Variants in ITGA11 observed in about 807,000 individuals in gnomAD.
The protein encoded by ITGA11 is integrin subunit alpha 11.
Under a neutral mutation model 141.9 loss-of-function variants are expected in ITGA11, and 97 were observed. That is an observed-to-expected ratio of 0.68 (90% confidence interval 0.58 to 0.81). The LOEUF (loss-of-function observed/expected upper bound fraction) is 0.81. Among genes scored for constraint, ITGA11 ranks in the 30% least tolerant of loss-of-function variants. ITGA11 has a pLI of 0.00. For synonymous variants in ITGA11, 658 were observed against 624.6 expected, an observed-to-expected ratio of 1.05 and a Z score of -0.80; for missense variants, 1,387 against 1,559.2, an observed-to-expected ratio of 0.89 and a Z score of 1.86.
At chr15:68,421,875 G>T (rs1436601552) in intron 1 of ITGA11, among the ~76,000 whole-genome samples, 1 of 151,796 alleles carries the variant, frequency 6.6e-6, no homozygotes, top group African/African-American at 2.4e-5. Context: ...TGGCAACCGG[G>T]ACATGTTCAG....
intron 1 of ITGA11, among the ~76,000 whole-genome samples, chr15:68,409,686 G>A (rs987023172): frequency 2.6e-5 from 4 of 151,980 alleles, no homozygotes; most frequent in African/African-American, 7.3e-5. Flanking sequence ...AAAAATAATT[G>A]TGTACATGAA....
At chr15:68,343,871 G>A (rs1894650112) in intron 10 of ITGA11, among the ~76,000 whole-genome samples, 1 of 152,200 alleles carries the variant, frequency 6.6e-6, no homozygotes, top group South Asian at 2.1e-4. Flanking sequence ...GCTTAAATGG[G>A]GTGTGGGCAG....
intron 1 of ITGA11, among the ~76,000 whole-genome samples, chr15:68,431,356 C>G (rs780555055): frequency 6.6e-6 from 1 of 152,218 alleles, no homozygotes; most frequent in Non-Finnish European, 1.5e-5. Context: ...AATGCCGGGT[C>G]CCTACCCCGG....
chr15:68,326,737 C>T lies in ITGA11; in HGVS notation c.2128G>A (p.Glu710Lys), dbSNP rs768849426. 22 of 1,582,686 alleles carry T rather than the reference C, an allele frequency of 1.4e-5. No homozygotes were observed. The highest frequency in any genetic ancestry group is 1.7e-4 in the Middle Eastern group (1 of 6,032). ...CTGTTGGTGAATCGGTCCCCGCCCT[C>T]GTCCAGGTGGGCCCTCGGTGTATAC... ...RRYTPRAHLD[E>K]GGDRFTNRAV... Residue 710 changes from glutamate (E) to lysine (K), a missense_variant, in exon 17 of 30, where the codon GAG becomes AAG. By Grantham distance (56) the Glu-to-Lys change is moderately conservative (BLOSUM62 1). Transcript: ENST00000315757. The surrounding 1 kb of genome is among the most constrained non-coding windows in gnomAD (Gnocchi z 6.8).
intron 18 of ITGA11, among the ~76,000 whole-genome samples, chr15:68,323,172 C>T (rs1893864699): frequency 6.6e-6 from 1 of 152,190 alleles, no homozygotes; most frequent in South Asian, 2.1e-4. Context: ...CTCCCCACCG[C>T]AAGGTGGACC....
chr15:68,405,921 CACAG>C (rs1223740200), intron 1 of ITGA11, among the ~76,000 whole-genome samples: 3 of 152,188 alleles, frequency 2.0e-5, no homozygotes, highest in Non-Finnish European at 4.4e-5. Flanking sequence ...TGCACACACA[CACAG>C]ACACACACAT....
intron 11 of ITGA11, among the ~76,000 whole-genome samples, chr15:68,338,050 GC>G (rs1482511881): frequency 1.3e-5 from 2 of 152,194 alleles, no homozygotes; most frequent in African/African-American, 2.4e-5. Context: ...AACCTCATGG[GC>G]CCTGGGACAC....
At position 68,344,538 on chromosome 15, in the gene ITGA11, TG is replaced by T. The variant is rs1299563503; in HGVS notation, c.1131+4291del. ...CAGGCTGAAGAGGCAGGAGGGTGGC[TG>T]GGGTAGCTCATCTGGGATGTTTATA... On this transcript the variant is annotated intron_variant, in intron 10 of 29. Coordinates refer to ENST00000315757, the MANE Select transcript of ITGA11 (RefSeq NM_001004439.2). Among the ~76,000 whole-genome samples, 4 of 152,088 alleles carry T rather than the reference TG, an allele frequency of 2.6e-5. No homozygotes were observed. The East Asian group carries it at 7.7e-4, about 29-fold the overall frequency.
intron 2 of ITGA11, among the ~76,000 whole-genome samples, chr15:68,372,807 C>T (rs147824362): frequency 5.3e-5 from 8 of 152,302 alleles, no homozygotes; most frequent in Admixed American, 3.9e-4. Context: ...CAACAAGGCT[C>T]TTTGGGGACT....
intron 2 of ITGA11, among the ~76,000 whole-genome samples, chr15:68,390,895 T>C (rs1344517376): frequency 6.6e-6 from 1 of 152,214 alleles, no homozygotes; most frequent in African/African-American, 2.4e-5. Flanking sequence ...TTTGCTCCTG[T>C]CCTTCCTTTG....
intron 22 of ITGA11, among the ~76,000 whole-genome samples, chr15:68,314,498 A>T (rs1413301196): frequency 6.6e-6 from 1 of 152,182 alleles, no homozygotes; most frequent in Non-Finnish European, 1.5e-5. Context: ...CTTGTTATAT[A>T]GACTGAGTTT....
chr15:68,306,325 CTG>C (rs140803928), intron 28 of ITGA11, among the ~76,000 whole-genome samples: 50,053 of 151,344 alleles, frequency 0.33, 8,764 homozygotes, highest in African/African-American at 0.4. Flanking sequence ...CTCTCTCTCT[CTG>C]TGTGTGTGAG....
rs1175489216 is a variant in ITGA11, at chr15:68,304,190, C to T, written c.3382-305G>A. On this transcript the variant is annotated intron_variant, in intron 28 of 29. Transcript: ENST00000315757. This position sits in a 1 kb window ranked among gnomAD's most constrained non-coding sequence, Gnocchi z 6.1. ...CCACCACATGGGCTACTCCTTCTCC[C>T]TTTGCTGCCTCCGCATCGCCTCCCG... is the stretch of plus-strand genomic sequence containing the variant. Among the ~76,000 whole-genome samples the T allele has an allele frequency of 6.6e-6, 1 of 152,218 alleles. No homozygotes were observed. Among genetic ancestry groups the T allele is most frequent in the Non-Finnish European group, 1.5e-5 (1 of 68,034 alleles).
chr15:68,347,636 G>A (rs562639408), intron 10 of ITGA11, among the ~76,000 whole-genome samples: 131 of 152,236 alleles, frequency 8.6e-4, no homozygotes, highest in Non-Finnish European at 1.6e-3. Context: ...TCAGACCCCC[G>A]GAGATTCCCT....
At chr15:68,430,712 C>T (rs1385377402) in intron 1 of ITGA11, among the ~76,000 whole-genome samples, 1 of 152,234 alleles carries the variant, frequency 6.6e-6, no homozygotes, top group Admixed American at 6.5e-5. Flanking sequence ...GCATATTGGC[C>T]TGGTGGCAGT....
intron 2 of ITGA11, among the ~76,000 whole-genome samples, chr15:68,402,366 T>C (rs1178360022): frequency 1.3e-5 from 2 of 152,166 alleles, no homozygotes; most frequent in Non-Finnish European, 2.9e-5. Flanking sequence ...ACTTGGATAC[T>C]TGAAATGAGT....
In ITGA11 at chr15:68,325,281, A is replaced by G. The variant is rs948508014; in HGVS notation, c.2212-40T>C. On this transcript the variant is annotated intron_variant, in intron 17 of 29. Transcript: ENST00000315757. The surrounding 1 kb of genome is among the most constrained non-coding windows in gnomAD (Gnocchi z 5.5). Reference sequence around the variant, plus strand: ...TGAGGGCAGCGGTGAGGGAGGAGAGAACGTCATTTTATGAGCCAGGACCGT... The same window carrying G: ...TGAGGGCAGCGGTGAGGGAGGAGAGGACGTCATTTTATGAGCCAGGACCGT... 16 of 1,376,874 alleles carry G rather than the reference A, an allele frequency of 1.2e-5. 1 individual carries two copies. Among genetic ancestry groups the G allele is most frequent in the Admixed American group, 5.0e-5 (3 of 59,514 alleles). The allele number at this position is 1,376,874 out of a possible 1,614,324, so 85.3% of individuals were successfully genotyped here. A position where few individuals can be genotyped will look rare whatever the true frequency, so the allele number is the denominator to read the frequency against.
intron 2 of ITGA11, among the ~76,000 whole-genome samples, chr15:68,384,264 T>TA (rs61654399): frequency 0.74 from 98,214 of 132,628 alleles, 36,335 homozygotes; most frequent in Middle Eastern, 0.79. Context: ...GGTTTGGCAT[T>TA]AAAAAAAAAA....
chr15:68,409,517 A>AC (rs1294238928), intron 1 of ITGA11, among the ~76,000 whole-genome samples: 6 of 151,160 alleles, frequency 4.0e-5, no homozygotes, highest in Admixed American at 2.0e-4. Context: ...ACCTATCAGT[A>AC]CTACCTGATT....
Sources: gnomAD v4.1 joint callset for allele counts (sites outside exome capture counted in the v4.1 genomes callset) on GRCh38, gnomAD v4.1.1 for gene constraint, Gnocchi (gnomAD v3.1) non-coding constraint, MANE v1.5 for transcripts, NCBI Gene and HGNC (gene_info 2026-07-23, HGNC 2026-07-21) for gene names.